Variants in NETO1 observed in about 807,000 individuals in gnomAD.
NETO1 encodes the protein neuropilin and tolloid-like protein 1.
A neutral mutation model predicts 61.3 loss-of-function variants in NETO1; 26 were observed. That is an observed-to-expected ratio of 0.42 (90% CI 0.31 to 0.59). The LOEUF is 0.59. NETO1 is among the 20% of genes least tolerant of loss of function. The pLI, the probability that NETO1 is intolerant of heterozygous loss-of-function variation, is 0.12. For synonymous variants in NETO1, 225 were observed against 225.8 expected (o/e 1.00, Z 0.03); for missense variants, 531 against 662.8 (o/e 0.80, Z 2.18).
At chr18:72,772,055 G>A (rs8090051) in intron 7 of NETO1, among the ~76,000 whole-genome samples, 3,965 of 152,212 alleles carry the variant, frequency 0.026, 127 homozygotes, top group East Asian at 0.094. Flanking sequence ...GAATGTTTCA[G>A]TATGCTGGAA....
intron 7 of NETO1, among the ~76,000 whole-genome samples, chr18:72,757,359 A>G (rs981864350): frequency 6.6e-6 from 1 of 151,922 alleles, no homozygotes; most frequent in African/African-American, 2.4e-5. Flanking sequence ...TAATATACTT[A>G]AGGCAACTTA....
At chr18:72,827,083 A>ATGCT (rs2073398919) in intron 4 of NETO1, among the ~76,000 whole-genome samples, 2 of 82,498 alleles carry the variant, frequency 2.4e-5, no homozygotes, top group African/African-American at 4.8e-5. Flanking sequence ...GCCATATTCA[A>ATGCT]TGCTTTCTTT....
At chr18:72,824,642 A>G (rs1409970195) in intron 4 of NETO1, among the ~76,000 whole-genome samples, 1 of 152,020 alleles carries the variant, frequency 6.6e-6, no homozygotes, top group African/African-American at 2.4e-5. Flanking sequence ...AGGCGGGCAG[A>G]TCACCTAAGG....
chr18:72,820,094 C>CGTG (rs1424679008), intron 4 of NETO1, among the ~76,000 whole-genome samples: 2 of 152,136 alleles, frequency 1.3e-5, no homozygotes, highest in Non-Finnish European at 2.9e-5. Context: ...TGTATGAAAG[C>CGTG]TACACAACTA....
chr18:72,806,524 C>T lies in NETO1; in HGVS notation c.470-12120G>A, dbSNP rs577961416. On this transcript the variant is annotated intron_variant, in intron 4 of 10. Transcript: ENST00000327305. ...TTCTGAAAAATTAATCTCTCTAAAT[C>T]GAATTCTCTACCTATCTTCTGGATT... is the stretch of plus-strand genomic sequence containing the variant. Among the ~76,000 whole-genome samples, 19 of 152,256 alleles carry T rather than the reference C, an allele frequency of 1.2e-4. 1 individual carries two copies. The South Asian group carries it at 3.9e-3, about 32-fold the overall frequency.
chr18:72,866,465 C>T (rs965277045), intron 1 of NETO1, among the ~76,000 whole-genome samples: 8 of 152,118 alleles, frequency 5.3e-5, no homozygotes, highest in Non-Finnish European at 8.8e-5. Flanking sequence ...ATTCTGCTCA[C>T]ACCCAGAACA....
At chr18:72,748,576 T>C (rs914974651) in intron 10 of NETO1, among the ~76,000 whole-genome samples, 10 of 152,128 alleles carry the variant, frequency 6.6e-5, no homozygotes, top group African/African-American at 2.2e-4. Context: ...TGTACGAATT[T>C]TGAGTACAAT....
At chr18:72,814,814 T>C (rs1184673511) in intron 4 of NETO1, among the ~76,000 whole-genome samples, 3 of 152,078 alleles carry the variant, frequency 2.0e-5, no homozygotes, top group African/African-American at 7.2e-5. Flanking sequence ...GATACAAGAA[T>C]TTTAAATGTA....
intron 7 of NETO1, among the ~76,000 whole-genome samples, chr18:72,776,171 G>A (rs1440806450): frequency 6.6e-6 from 1 of 152,152 alleles, no homozygotes; most frequent in African/African-American, 2.4e-5. Context: ...GAGTTTCCAA[G>A]GGGAAGTGGC....
chr18:72,777,419 G>GAA (rs35895540), intron 7 of NETO1, among the ~76,000 whole-genome samples: 15 of 102,002 alleles, frequency 1.5e-4, no homozygotes, highest in African/African-American at 5.5e-4. Context: ...AACTCCATCT[G>GAA]AAAAAAAAAA....
At chr18:72,764,770 T>C (rs2071096158) in intron 7 of NETO1, among the ~76,000 whole-genome samples, 1 of 152,186 alleles carries the variant, frequency 6.6e-6, no homozygotes, top group Non-Finnish European at 1.5e-5. Flanking sequence ...TCCTTTTTAA[T>C]TCTCACCTCC....
Position 72,756,063 on chromosome 18 carries a change from A to G in NETO1, c.953T>C (p.Val318Ala). 1 of 1,606,256 alleles carries G rather than the reference A, an allele frequency of 6.2e-7. No homozygotes were observed. The highest frequency in any genetic ancestry group is 8.5e-7 in the Non-Finnish European group (1 of 1,173,434). The change falls in exon 8 of 11, where the codon GTG (valine) becomes GCG (alanine). Residue 318 changes from valine (V) to alanine (A), a missense_variant. Coordinates refer to ENST00000327305, the MANE Select transcript of NETO1 (RefSeq NM_138966.5). ...TLVCNGLQNC[V>A]YPWDENHCKE... ...ACAGTGATTTTCATCCCAAGGATAC[A>G]CACAGTTCTGGAGTCCATTGCAGAC...
chr18:72,851,319 G>A (rs2074241943), intron 4 of NETO1, among the ~76,000 whole-genome samples: 1 of 152,068 alleles, frequency 6.6e-6, no homozygotes, highest in Non-Finnish European at 1.5e-5. Flanking sequence ...GCTGAGGCAG[G>A]AGAATTATGT....
chr18:72,791,941 T>C (rs565625336), intron 6 of NETO1, among the ~76,000 whole-genome samples: 1 of 152,306 alleles, frequency 6.6e-6, no homozygotes, highest in Non-Finnish European at 1.5e-5. Flanking sequence ...AATAACTGTC[T>C]TTCTTCATAA....
chr18:72,746,205 C>CTTTTTTTT lies in NETO1; in HGVS notation c.*1973_*1974insAAAAAAAA, dbSNP rs2070428621. Among the ~76,000 whole-genome samples, 5 of 151,964 alleles carry CTTTTTTTT rather than the reference C, an allele frequency of 3.3e-5. No homozygotes were observed. Among genetic ancestry groups the CTTTTTTTT allele is most frequent in the African/African-American group, 1.2e-4 (5 of 41,384 alleles). On this transcript the variant is annotated 3_prime_UTR_variant, in exon 11 of 11. Coordinates refer to ENST00000327305, the MANE Select transcript of NETO1 (RefSeq NM_138966.5). ...AAAAAATCTTGACAGTTATATCATACTTTTGAGATTATCATTCAAAGGGAA... is the reference window on the plus strand; with the variant it reads ...AAAAAATCTTGACAGTTATATCATACTTTTTTTTTTTTGAGATTATCATTCAAAGGGAA...
intron 6 of NETO1, among the ~76,000 whole-genome samples, chr18:72,784,473 A>G (rs2071847672): frequency 6.6e-6 from 1 of 152,216 alleles, no homozygotes; most frequent in South Asian, 2.1e-4. Flanking sequence ...TTCATGCCAT[A>G]TATAGACAAG....
chr18:72,794,877 T>G (rs1162438887), intron 4 of NETO1, among the ~76,000 whole-genome samples: 5 of 152,194 alleles, frequency 3.3e-5, no homozygotes, highest in African/African-American at 4.8e-5. Context: ...AGTAACACAG[T>G]TTTTAACTAG....
At position 72,807,880 on chromosome 18, in the gene NETO1, C is replaced by G. The variant is rs572654081; in HGVS notation, c.470-13476G>C. On this transcript the variant is annotated intron_variant, in intron 4 of 10. Coordinates refer to ENST00000327305, the MANE Select transcript of NETO1 (RefSeq NM_138966.5). The stretch of plus-strand genomic sequence containing the variant: ...GTTTCTGTCCAAGGGCAACCAGGGA[C>G]GCTCTTGATTGGTTATTAGCAATAT... 9.2e-5 allele frequency among the ~76,000 whole-genome samples: 14 copies of G among 152,216 alleles called. No individual in the cohort carries two copies. In the South Asian group the frequency reaches 2.9e-3, roughly 32 times the overall value.
chr18:72,825,906 T>C (rs1168467216), intron 4 of NETO1, among the ~76,000 whole-genome samples: 1 of 152,104 alleles, frequency 6.6e-6, no homozygotes, highest in African/African-American at 2.4e-5. Flanking sequence ...TTAGTAAGTG[T>C]TGAGATTTTC....
Sources: gnomAD v4.1 joint callset for allele counts (sites outside exome capture counted in the v4.1 genomes callset) on GRCh38, gnomAD v4.1.1 for gene constraint, MANE v1.5 for transcripts, NCBI Gene and HGNC (gene_info 2026-07-23, HGNC 2026-07-21) for gene names.